PKHD1L1: variants seen among roughly 807,000 people sequenced by gnomAD.
The protein encoded by PKHD1L1 is fibrocystin-L.
A neutral mutation model predicts 462.9 loss-of-function variants in PKHD1L1; 434 were observed. The observed-to-expected ratio is 0.94, with a 90% CI of 0.87 to 1.02. The LOEUF (loss-of-function observed/expected upper bound fraction) is 1.02, where lower values mean the gene tolerates loss of function less well. PKHD1L1 is among the 50% of genes least tolerant of loss of function. PKHD1L1 has a pLI of 0.00. For missense variants in PKHD1L1, 5,202 were observed against 5,096.1 expected (o/e 1.02, Z -0.63); for synonymous variants, 1,781 against 1,750.0 (o/e 1.02, Z -0.44).
At chr8:109,526,762 C>T (rs749998058) in intron 76 of PKHD1L1, 22 bp from the exon 77 acceptor site, 1 of 1,530,904 alleles carries the variant, frequency 6.5e-7, no homozygotes, top group Non-Finnish European at 8.8e-7. Context: ...AAATCAAACA[C>T]TATGATGCTT....
Position 109,441,385 on chromosome 8 carries a change from A to G in PKHD1L1, c.4204+6A>G. On this transcript the variant is annotated splice_donor_region_variant and intron_variant, in intron 34 of 77. Transcript: ENST00000378402. The stretch of plus-strand genomic sequence containing the variant: ...CAACAATGGGAAAGATTCAGGTATC[A>G]GCCATTTATATACTATGAAATAATG... 6.8e-7 allele frequency: 1 copy of G among 1,468,164 alleles called. No homozygotes were observed. Among genetic ancestry groups the G allele is most frequent in the Non-Finnish European group, 9.4e-7 (1 of 1,064,330 alleles). 90.9% of individuals were successfully genotyped at this position (1,468,164 alleles called of 1,614,324 possible). A position where few individuals can be genotyped will look rare whatever the true frequency, so the allele number is the denominator to read the frequency against.
At position 109,433,166 on chromosome 8, in the gene PKHD1L1, C is replaced by T. The variant is rs2130704219; in HGVS notation, c.3290C>T (p.Ala1097Val). ...IVGSGFSPSS[A>V]VTVSVGPVGC... Reference sequence around the variant, plus strand: ...GGTTCTGGATTTTCTCCTAGTTCAGCTGTAACAGTCTCAGTTGGACCAGTA... The same window carrying T: ...GGTTCTGGATTTTCTCCTAGTTCAGTTGTAACAGTCTCAGTTGGACCAGTA... Residue 1097 changes from alanine (A) to valine (V), a missense_variant, in exon 28 of 78, where the codon GCT (alanine) becomes GTT (valine). Ala to Val is a moderately conservative substitution (Grantham distance 64, BLOSUM62 0). Around this residue, in one of 3 missense-constraint regions of PKHD1L1, gnomAD observed 4,497 missense variants for 4,336.8 expected, o/e 1.04. Transcript: ENST00000378402. 6.2e-7 allele frequency: 1 copy of T among 1,613,640 alleles called. No individual in the cohort carries two copies. Among genetic ancestry groups the T allele is most frequent in the Non-Finnish European group, 8.5e-7 (1 of 1,179,672 alleles).
At chr8:109,466,907 C>A in intron 50 of PKHD1L1, 138 bp downstream of exon 50, 1 of 778,148 alleles carries the variant, frequency 1.3e-6, no homozygotes, top group Non-Finnish European at 2.0e-6. Context: ...AAGCAGGAAA[C>A]AAATAATACT....
rs758195898 is a variant in PKHD1L1, at chr8:109,445,596, A to G, written c.5727A>G (p.Thr1909=). The stretch of plus-strand genomic sequence containing the variant: ...TTGCTTATCCACCTTTGCTTTTTAC[A>G]TATGCCCTGGAGGATACTCCATTTC... The part of the protein sequence containing the change: ...NTIAYPPLLF[T]YALEDTPFLR... The change falls in exon 38 of 78, where the codon ACA becomes ACG. Residue 1909 remains threonine, a synonymous_variant. Transcript: ENST00000378402. 1.2e-6 allele frequency: 2 copies of G among 1,610,648 alleles called. No homozygotes were observed. Among genetic ancestry groups the G allele is most frequent in the Non-Finnish European group, 1.7e-6 (2 of 1,177,990 alleles).
intron 21 of PKHD1L1, among the ~76,000 whole-genome samples, chr8:109,418,639 C>G (rs1814306351): frequency 6.6e-6 from 1 of 152,160 alleles, no homozygotes; most frequent in South Asian, 2.1e-4. Context: ...GAACAATGGA[C>G]AATGCTGCTC....
chr8:109,487,942 AAAGAAG>A (rs1818638295), intron 59 of PKHD1L1, among the ~76,000 whole-genome samples: 1 of 149,410 alleles, frequency 6.7e-6, no homozygotes, highest in East Asian at 2.0e-4. Context: ...GGAAGGAAGG[AAAGAAG>A]GAAGGAAGGA....
intron 46 of PKHD1L1, among the ~76,000 whole-genome samples, chr8:109,456,987 T>C (rs1248083130): frequency 6.6e-6 from 1 of 152,140 alleles, no homozygotes; most frequent in East Asian, 1.9e-4. Flanking sequence ...ACCCTTAATT[T>C]CTGTTTAATT....
At chr8:109,514,016 C>G (rs1040083790) in intron 71 of PKHD1L1, among the ~76,000 whole-genome samples, 12 of 152,086 alleles carry the variant, frequency 7.9e-5, no homozygotes, top group Non-Finnish European at 1.5e-5. Context: ...CGGTCTCTGT[C>G]CAAGAGTCAG....
Position 109,439,053 on chromosome 8 carries a change from T to C in PKHD1L1, c.3917T>C (p.Ile1306Thr), listed in dbSNP as rs1489660048. ...LPKLSPGKHD[I>T]YVEVRNWGFA... ...AAGTTGTCTCCTGGAAAACATGATA[T>C]CTATGTAGAAGTCAGAAACTGGGGT... Residue 1306 changes from isoleucine (I) to threonine (T), a missense_variant, in exon 32 of 78, where the codon ATC becomes ACC. Physicochemically the swap from Ile to Thr is moderately conservative, Grantham distance 89. Around this residue, in one of 3 missense-constraint regions of PKHD1L1, gnomAD observed 4,497 missense variants for 4,336.8 expected, o/e 1.04. Coordinates refer to ENST00000378402, the MANE Select transcript of PKHD1L1 (RefSeq NM_177531.6). 3 of 1,613,382 alleles carry C rather than the reference T, an allele frequency of 1.9e-6. No homozygotes were observed. The highest frequency in any genetic ancestry group is 1.1e-5 in the South Asian group (1 of 91,014).
chr8:109,366,314 T>G (rs981335055), intron 2 of PKHD1L1, among the ~76,000 whole-genome samples: 3 of 152,230 alleles, frequency 2.0e-5, no homozygotes, highest in African/African-American at 7.2e-5. Context: ...CCGATTTCTC[T>G]TACAGTCCCT....
chr8:109,497,386 C>T (rs1382843503), intron 65 of PKHD1L1, 114 bp downstream of exon 65: 1 of 1,258,982 alleles, frequency 7.9e-7, no homozygotes. Context: ...CTCGCCCACA[C>T]CTCCCTGCCT....
chr8:109,522,718 C>T (rs1327867249), intron 74 of PKHD1L1, 26 bp from the exon 75 acceptor site: 1 of 1,578,606 alleles, frequency 6.3e-7, no homozygotes, highest in South Asian at 1.2e-5. Flanking sequence ...CATGAAGAAA[C>T]CAGTTCATCC....
Position 109,388,520 on chromosome 8 carries a change from G to T in PKHD1L1, c.593G>T (p.Cys198Phe). The T allele has an allele frequency of 3.3e-6, 5 of 1,519,502 alleles. No homozygotes were observed. The highest frequency in any genetic ancestry group is 4.5e-6 in the Non-Finnish European group (5 of 1,119,374). The allele number at this position is 1,519,502 out of a possible 1,614,324, so 94.1% of individuals were successfully genotyped here. A position where few individuals can be genotyped will look rare whatever the true frequency, so the allele number is the denominator to read the frequency against. Residue 198 changes from cysteine (C) to phenylalanine (F), a missense_variant, in exon 7 of 78, where the codon TGT (cysteine) becomes TTT (phenylalanine). Cys to Phe is a radical substitution (Grantham distance 205). This residue lies in a region of PKHD1L1 where 4,497 missense variants were observed against 4,336.8 expected (regional missense o/e 1.04). Transcript: ENST00000378402. ...ILRVYIGGMP[C>F]ELLIPQSDNL... The stretch of plus-strand genomic sequence containing the variant: ...AGAGTTTACATTGGAGGAATGCCCT[G>T]TGAGCTTCTCATACCACAATCTGAT...
At chr8:109,412,719 C>A (rs1273629463) in intron 20 of PKHD1L1, among the ~76,000 whole-genome samples, 1 of 151,994 alleles carries the variant, frequency 6.6e-6, no homozygotes, top group Non-Finnish European at 1.5e-5. Flanking sequence ...GTATAAGCTT[C>A]TTCATTTTTC....
chr8:109,522,117 A>G, intron 73 of PKHD1L1, 69 bp from the exon 74 acceptor site: 1 of 1,419,274 alleles, frequency 7.0e-7, no homozygotes, highest in Non-Finnish European at 9.6e-7. Context: ...TGCTAAAGTG[A>G]AAAACTCTCA....
Position 109,435,335 on chromosome 8 carries a change from T to C in PKHD1L1, c.3486T>C (p.Pro1162=). The C allele has an allele frequency of 6.2e-7, 1 of 1,611,772 alleles. No individual in the cohort carries two copies. The highest frequency in any genetic ancestry group is 8.5e-7 in the Non-Finnish European group (1 of 1,178,910). ...VYQSQISHIW[P]DSGSIAGGTL... ...AGAGTCAGATCTCACATATCTGGCC[T>C]GATTCTGGAAGCATAGCAGGTAATG... The change falls in exon 29 of 78, where the codon CCT becomes CCC. Residue 1162 remains proline (P), a synonymous_variant. Coordinates refer to ENST00000378402, the MANE Select transcript of PKHD1L1 (RefSeq NM_177531.6).
At chr8:109,414,556 T>C (rs894317427) in intron 21 of PKHD1L1, among the ~76,000 whole-genome samples, 1 of 152,214 alleles carries the variant, frequency 6.6e-6, no homozygotes, top group African/African-American at 2.4e-5. Flanking sequence ...CTATACAGTT[T>C]ATATGATACT....
chr8:109,477,958 T>G (rs1351173457), intron 53 of PKHD1L1, among the ~76,000 whole-genome samples: 2 of 152,194 alleles, frequency 1.3e-5, no homozygotes, highest in African/African-American at 4.8e-5. Flanking sequence ...CTTTCTACCT[T>G]GTATTAGAGT....
rs948400548 is a variant in PKHD1L1 at position 109,440,732 on chromosome 8, C to T, written c.3979C>T (p.Gln1327Ter). The change falls in exon 33 of 78, where the codon CAG (glutamine) becomes TAG (stop). Residue 1327 changes from glutamine to a stop codon, truncating the protein, a stop_gained. Coordinates refer to ENST00000378402, the MANE Select transcript of PKHD1L1 (RefSeq NM_177531.6). LOFTEE classifies it high-confidence loss of function. ...STRDKLNSSI[Q>*]YVLEVTSMFP... ...CAGAGACAAATTAAATTCTTCAATA[C>T]AGTATGTTTTAGAAGTGACCAGCAT... 1 of 1,611,946 alleles carries T rather than the reference C, an allele frequency of 6.2e-7. No individual in the cohort carries two copies. The highest frequency in any genetic ancestry group is 8.5e-7 in the Non-Finnish European group (1 of 1,178,582).
Sources: allele counts gnomAD v4.1 joint callset (sites outside exome capture counted in the v4.1 genomes callset), GRCh38; gene constraint gnomAD v4.1.1; regional missense constraint gnomAD v4.1.1; transcripts MANE v1.5; gene names NCBI Gene and HGNC (gene_info 2026-07-23, HGNC 2026-07-21).